The following HADH variants were observed in gnomAD, a reference collection of about 807,000 sequenced individuals.
The protein encoded by HADH is hydroxyacyl-CoA dehydrogenase.
HADH carries 24 observed loss-of-function variants against 32.2 expected under a neutral mutation model. The observed-to-expected ratio is 0.75, with a 90% CI of 0.54 to 1.05. HADH has a LOEUF of 1.05. Among genes scored for constraint, HADH ranks in the 50% least tolerant of loss-of-function variants. The probability of loss-of-function intolerance (pLI) is 0.00; values close to 1 mark genes in which losing one functional copy is unlikely to be tolerated. For synonymous variants in HADH, 139 were observed against 152.5 expected, an observed-to-expected ratio of 0.91 and a Z score of 0.65; for missense variants, 350 against 397.1, an observed-to-expected ratio of 0.88 and a Z score of 1.01.
intron 6 of HADH, chr4:108,029,683 G>A (rs1387400318): frequency 6.6e-6 from 1 of 152,414 alleles, no homozygotes; most frequent in African/African-American, 2.4e-5. Context: ...TGCTGTTGTA[G>A]GTCAGGCCTC....
rs754010861 is a variant in HADH, at chr4:108,004,628, G to A, written c.133-5131G>A. On this transcript the variant is annotated intron_variant, in intron 1 of 7. Transcript: ENST00000309522. Reference sequence around the variant, plus strand: ...CAGATTTTATTCAGGAGGAGTAACTGGAAGCCATAACCATGAACTTCCATA... The same window carrying A: ...CAGATTTTATTCAGGAGGAGTAACTAGAAGCCATAACCATGAACTTCCATA... 4 of 1,500,992 alleles carry A rather than the reference G, an allele frequency of 2.7e-6. No individual in the cohort carries two copies. In the South Asian group the frequency reaches 4.8e-5, roughly 18 times the overall value. 93.0% of individuals were successfully genotyped at this position (1,500,992 alleles called of 1,614,324 possible).
chr4:108,033,045 A>C, intron 6 of HADH, 131 bp from the exon 7 acceptor site: 1 of 757,954 alleles, frequency 1.3e-6, no homozygotes, highest in East Asian at 2.5e-5. Flanking sequence ...TACCCAAGCC[A>C]GAAAGTCTCA....
intron 4 of HADH, among the ~76,000 whole-genome samples, chr4:108,020,950 C>A (rs553037561): frequency 1.3e-5 from 2 of 152,254 alleles, no homozygotes; most frequent in East Asian, 3.9e-4. Context: ...ATAATAATGA[C>A]CATTTTTTTT....
chr4:108,019,487 G>A (rs1560733717), intron 3 of HADH, 53 bp from the exon 4 acceptor site: 17 of 1,562,676 alleles, frequency 1.1e-5, no homozygotes, highest in East Asian at 4.5e-5. Flanking sequence ...GAGTCATGCT[G>A]TTTTGAAAGA....
intron 1 of HADH, among the ~76,000 whole-genome samples, chr4:107,994,749 G>A (rs1401635732): frequency 3.3e-5 from 5 of 152,234 alleles, no homozygotes; most frequent in Non-Finnish European, 7.4e-5. Flanking sequence ...CCTACTTCCC[G>A]AGTTGTTGCT....
intron 6 of HADH, chr4:108,029,247 A>G (rs185831733): frequency 4.6e-5 from 10 of 216,152 alleles, no homozygotes; most frequent in Admixed American, 4.1e-4. Context: ...CTCCGTTCAT[A>G]CAGTTCCACC....
chr4:107,993,378 T>G (rs1253135793), intron 1 of HADH, among the ~76,000 whole-genome samples: 1 of 152,210 alleles, frequency 6.6e-6, no homozygotes, highest in Admixed American at 6.5e-5. Flanking sequence ...CATTTTATTG[T>G]TAAACTTTAG....
In HADH at chr4:107,990,067, G is replaced by T; in HGVS notation, c.132+3G>T. ...TGATGGGCGCCGGCATTGCCCAGGT[G>T]AGCGGCCCTCCCTGCAGCGTGCCCA... On this transcript the variant is annotated splice_donor_region_variant and intron_variant, in intron 1 of 7. Coordinates refer to ENST00000309522, the MANE Select transcript of HADH (RefSeq NM_005327.7). 1 of 1,607,558 alleles carries T rather than the reference G, an allele frequency of 6.2e-7. No individual in the cohort carries two copies. Among genetic ancestry groups the T allele is most frequent in the South Asian group, 1.1e-5 (1 of 89,796 alleles).
At chr4:107,990,157 G>A in intron 1 of HADH, 93 bp downstream of exon 1, 2 of 1,327,338 alleles carry the variant, frequency 1.5e-6, no homozygotes, top group Non-Finnish European at 2.1e-6. Flanking sequence ...GCCTGCACCC[G>A]CCCGACACCA....
intron 3 of HADH, among the ~76,000 whole-genome samples, chr4:108,018,591 T>A (rs1347853913): frequency 6.6e-6 from 1 of 152,174 alleles, no homozygotes; most frequent in Non-Finnish European, 1.5e-5. Context: ...AACTGGTTTC[T>A]TCTCCCTTCT....
chr4:108,014,433 C>T lies in HADH; in HGVS notation c.264C>T (p.Ala88=), dbSNP rs201324954. 166 of 1,613,910 alleles carry T rather than the reference C, an allele frequency of 1.0e-4. 1 individual carries two copies. The highest frequency in any genetic ancestry group is 1.2e-4 in the South Asian group (11 of 91,076). Residue 88 remains alanine, a splice_region_variant and synonymous_variant, in exon 3 of 8, where the codon GCC becomes GCT. Coordinates refer to ENST00000309522, the MANE Select transcript of HADH (RefSeq NM_005327.7). ...AKKKFAENLK[A]GDEFVEKTLS... ...TCTTCTTCCTCCCACTGCATTAGGC[C>T]GGCGATGAATTTGTGGAGAAGACCC...
At chr4:108,011,189 A>G (rs536203181) in intron 2 of HADH, among the ~76,000 whole-genome samples, 5 of 152,232 alleles carry the variant, frequency 3.3e-5, no homozygotes, top group Non-Finnish European at 7.3e-5. Flanking sequence ...CTGGATTATT[A>G]TCATATTCCA....
chr4:108,020,534 A>G (rs1377471933), intron 4 of HADH, among the ~76,000 whole-genome samples: 5 of 152,174 alleles, frequency 3.3e-5, no homozygotes, highest in Non-Finnish European at 7.4e-5. Context: ...CCTCCTGACC[A>G]TAAACCTGGA....
chr4:108,014,587 G>T lies in HADH; in HGVS notation c.418G>T (p.Glu140Ter). 1 of 1,610,672 alleles carries T rather than the reference G, an allele frequency of 6.2e-7. No individual in the cohort carries two copies. The highest frequency in any genetic ancestry group is 1.3e-5 in the African/African-American group (1 of 74,886). ...LFKRLDKFAA[E>*]HTIFASNTSS... ...CAAAAGGCTGGACAAGTTTGCTGCT[G>T]AGTATGTAACCTCTGGACAATCTTC... The change falls in exon 3 of 8, where the codon GAA (glutamate) becomes TAA (stop). Residue 140 changes from glutamate (E) to a stop codon, truncating the protein, a stop_gained and splice_region_variant. Coordinates refer to ENST00000309522, the MANE Select transcript of HADH (RefSeq NM_005327.7). LOFTEE classifies it high-confidence loss of function.
chr4:108,032,069 A>G (rs1560740598), intron 6 of HADH: 2 of 364,376 alleles, frequency 5.5e-6, no homozygotes, highest in Non-Finnish European at 9.8e-6. Flanking sequence ...TTTTAAAAAT[A>G]TATCTTCTTT....
intron 2 of HADH, among the ~76,000 whole-genome samples, chr4:108,012,565 C>G (rs1398372927): frequency 1.3e-5 from 2 of 152,058 alleles, no homozygotes; most frequent in Non-Finnish European, 2.9e-5. Context: ...TGGCTAGCAA[C>G]TTAGAACTTT....
intron 1 of HADH, chr4:108,004,969 T>G: frequency 7.4e-7 from 1 of 1,345,450 alleles, no homozygotes; most frequent in South Asian, 1.3e-5. Context: ...CTAAAAGGAA[T>G]GTTAAACGAA....
intron 3 of HADH, 87 bp downstream of exon 3, chr4:108,014,675 T>A (rs575193763): frequency 1.3e-5 from 16 of 1,202,820 alleles, no homozygotes; most frequent in South Asian, 5.1e-5. Flanking sequence ...TATAGATTTG[T>A]GAGTACAAGT....
rs188322376 is a variant in HADH at position 108,032,470 on chromosome 4, A to G, written c.710-706A>G. 245 of 676,838 alleles carry G rather than the reference A, an allele frequency of 3.6e-4. No individual in the cohort carries two copies. The African/African-American group carries it at 3.7e-3, about 10-fold the overall frequency. 41.9% of individuals were successfully genotyped at this position (676,838 alleles called of 1,614,324 possible). A position where few individuals can be genotyped will look rare whatever the true frequency, so the allele number is the denominator to read the frequency against. ...AAAACTGGGGGAAAGAATACATACAATAACTATACATACAAAAGCAGAAAG... is the reference window on the plus strand; with the variant it reads ...AAAACTGGGGGAAAGAATACATACAGTAACTATACATACAAAAGCAGAAAG... On this transcript the variant is annotated intron_variant, in intron 6 of 7. Transcript: ENST00000309522.
Sources: allele counts gnomAD v4.1 joint callset (sites outside exome capture counted in the v4.1 genomes callset), GRCh38; gene constraint gnomAD v4.1.1; transcripts MANE v1.5; gene names NCBI Gene and HGNC (gene_info 2026-07-23, HGNC 2026-07-21).